The following TJAP1 variants were observed in gnomAD, a reference collection of about 807,000 sequenced individuals.
TJAP1 encodes the protein tight junction associated protein 1, also known as tight junction-associated protein 1.
Under a neutral mutation model 42.0 loss-of-function variants are expected in TJAP1, and 27 were observed. The observed-to-expected ratio is 0.64, with a 90% CI of 0.47 to 0.89. The LOEUF (loss-of-function observed/expected upper bound fraction) is 0.89, where lower values mean the gene tolerates loss of function less well. TJAP1 is among the 40% of genes least tolerant of loss of function. The pLI is 0.00. For missense variants in TJAP1, 712 were observed against 726.9 expected (o/e 0.98, Z 0.24); for synonymous variants, 257 against 288.4 (o/e 0.89, Z 1.10).
chr6:43,502,388 T>C, intron 7 of TJAP1, 39 bp downstream of exon 7: 3 of 1,606,372 alleles, frequency 1.9e-6, no homozygotes, highest in Non-Finnish European at 1.7e-6. Flanking sequence ...GGCACTGTGC[T>C]CATAGCATAG....
intron 4 of TJAP1, among the ~76,000 whole-genome samples, chr6:43,499,747 T>C (rs535616854): frequency 1.3e-5 from 2 of 152,368 alleles, no homozygotes; most frequent in African/African-American, 4.8e-5. Context: ...CTGGTCACAG[T>C]GCGTGGAGCA....
At position 43,492,084 on chromosome 6, in the gene TJAP1, T is replaced by C. The variant is rs769177083; in HGVS notation, c.-121-5797T>C. Among the ~76,000 whole-genome samples the C allele has an allele frequency of 9.9e-5, 15 of 152,226 alleles. No homozygotes were observed. The highest frequency in any genetic ancestry group is 2.1e-4 in the Non-Finnish European group (14 of 68,030). The stretch of plus-strand genomic sequence containing the variant: ...TTTTGCAGGGAGGGGTTGGTTTGCC[T>C]GGCTCTTTAGCCCCTTGTTCCTGTG... On this transcript the variant is annotated intron_variant, in intron 2 of 10. Transcript: ENST00000372449. This position sits in a 1 kb window ranked among gnomAD's most constrained non-coding sequence, Gnocchi z 4.2.
At chr6:43,482,551 C>T (rs527871848) in intron 2 of TJAP1, among the ~76,000 whole-genome samples, 257 of 152,310 alleles carry the variant, frequency 1.7e-3, no homozygotes, top group Non-Finnish European at 2.8e-3. Context: ...TTTAGTATCT[C>T]ACCCCTGCCC....
intron 2 of TJAP1, among the ~76,000 whole-genome samples, chr6:43,484,642 G>T (rs941955085): frequency 6.6e-6 from 1 of 152,190 alleles, no homozygotes; most frequent in Non-Finnish European, 1.5e-5. Flanking sequence ...CTCCTTTCTT[G>T]TGAGGAAGCA....
At chr6:43,489,191 G>C (rs1294682922) in intron 2 of TJAP1, among the ~76,000 whole-genome samples, 1 of 152,236 alleles carries the variant, frequency 6.6e-6, no homozygotes, top group East Asian at 1.9e-4. Flanking sequence ...CTGTGAGCTA[G>C]AGGTGTCACT....
At chr6:43,485,450 C>A (rs1435861438) in intron 2 of TJAP1, among the ~76,000 whole-genome samples, 1 of 152,180 alleles carries the variant, frequency 6.6e-6, no homozygotes, top group East Asian at 1.9e-4. Context: ...AAATGAATTT[C>A]TTTCCAGAAT....
chr6:43,504,630 G>A (rs1791818807), intron 10 of TJAP1, 131 bp from the exon 11 acceptor site: 12 of 1,182,108 alleles, frequency 1.0e-5, no homozygotes, highest in East Asian at 2.3e-5. Context: ...CTGGCATGCT[G>A]TAAGAACAGG....
At position 43,503,517 on chromosome 6, in the gene TJAP1, G is replaced by A. The variant is rs376863827; in HGVS notation, c.495+9G>A. 5.6e-6 allele frequency: 9 copies of A among 1,611,938 alleles called. No homozygotes were observed. The highest frequency in any genetic ancestry group is 2.2e-5 in the East Asian group (1 of 44,888). On this transcript the variant is annotated intron_variant, in intron 9 of 10. Transcript: ENST00000372449. ...AGCTGGAAGAGCTCAATGTATGTGC[G>A]CTTCACTACTCGGGCCTTCCTCACC...
Position 43,505,271 on chromosome 6 carries a change from G to C in TJAP1, c.1090G>C (p.Glu364Gln). The change falls in exon 11 of 11, where the codon GAG (glutamate) becomes CAG (glutamine). Residue 364 changes from glutamate (E) to glutamine (Q), a missense_variant. Transcript: ENST00000372449. This position sits in a 1 kb window ranked among gnomAD's most constrained non-coding sequence, Gnocchi z 5.5. ...CCAGGCCATTTCCCTGAGCCTGGTA[G>C]AGGAGGGGAGTGAGCGGGCCCGCCC... is the stretch of plus-strand genomic sequence containing the variant. The C allele has an allele frequency of 1.2e-6, 2 of 1,613,666 alleles. No individual in the cohort carries two copies. The highest frequency in any genetic ancestry group is 1.7e-6 in the Non-Finnish European group (2 of 1,179,916).
chr6:43,505,269 T>A lies in TJAP1; in HGVS notation c.1088T>A (p.Val363Glu). The stretch of plus-strand genomic sequence containing the variant: ...CGCCAGGCCATTTCCCTGAGCCTGG[T>A]AGAGGAGGGGAGTGAGCGGGCCCGC... Residue 363 changes from valine to glutamate, a missense_variant, in exon 11 of 11, where the codon GTA becomes GAA. By Grantham distance (121) the Val-to-Glu change is moderately radical. Coordinates refer to ENST00000372449, the Ensembl canonical transcript of TJAP1. This position sits in a 1 kb window ranked among gnomAD's most constrained non-coding sequence, Gnocchi z 5.5. 6 of 1,613,530 alleles carry A rather than the reference T, an allele frequency of 3.7e-6. No individual in the cohort carries two copies. Among genetic ancestry groups the A allele is most frequent in the Non-Finnish European group, 4.2e-6 (5 of 1,179,872 alleles).
In TJAP1 at chr6:43,502,405, GC is replaced by G. The variant is rs1791137717; in HGVS notation, c.357+58del. ...CACTGTGCTCATAGCATAGCAGGGG[GC>G]CAGGATTTGCCAGGGGAATGCCACT... On this transcript the variant is annotated intron_variant, in intron 7 of 10. Transcript: ENST00000372449. The G allele has an allele frequency of 4.4e-6, 7 of 1,579,354 alleles. No homozygotes were observed. In the African/African-American group the frequency reaches 6.7e-5, roughly 15 times the overall value.
intron 2 of TJAP1, among the ~76,000 whole-genome samples, chr6:43,493,105 G>A (rs1404737250): frequency 1.3e-5 from 2 of 152,202 alleles, no homozygotes; most frequent in Non-Finnish European, 2.9e-5. Flanking sequence ...TGAAACGGCT[G>A]GGTGTTCCTT....
In TJAP1 at chr6:43,505,720, C is replaced by CCA; in HGVS notation, c.1543_1544dup (p.Glu516ProfsTer32). On this transcript the variant is annotated frameshift_variant, in exon 11 of 11. Coordinates refer to ENST00000372449, the Ensembl canonical transcript of TJAP1. LOFTEE classifies it high-confidence loss of function. The surrounding 1 kb of genome is among the most constrained non-coding windows in gnomAD (Gnocchi z 5.5). ...GCACAGAGGAGGGGCCAGGCACTTC[C>CCA]CACACCGAGGGCAGGGCCTGGCCAC... 3.2e-6 allele frequency: 5 copies of CCA among 1,572,054 alleles called. No homozygotes were observed. Among genetic ancestry groups the CCA allele is most frequent in the Non-Finnish European group, 4.3e-6 (5 of 1,158,320 alleles).
rs1371920598 is a variant in TJAP1, at chr6:43,484,846, C to G, written c.-122+6614C>G. Among the ~76,000 whole-genome samples the G allele has an allele frequency of 3.3e-5, 5 of 152,238 alleles. No individual in the cohort carries two copies. The East Asian group carries it at 9.6e-4, about 29-fold the overall frequency. On this transcript the variant is annotated intron_variant, in intron 2 of 10. Coordinates refer to ENST00000372449, the Ensembl canonical transcript of TJAP1. ...GTTCAGGCAATTCTCCTGCCTCGGC[C>G]TCCTGAGTAGCTGGGATTACAGGTG...
At chr6:43,479,615 C>T (rs770927807) in intron 2 of TJAP1, among the ~76,000 whole-genome samples, 21 of 152,066 alleles carry the variant, frequency 1.4e-4, no homozygotes, top group Non-Finnish European at 2.4e-4. Context: ...TATGATGGCA[C>T]CTGTGAATAC....
chr6:43,506,228 T>G (rs1263705027), exon 11 of TJAP1: 8 of 174,958 alleles, frequency 4.6e-5, no homozygotes, highest in Non-Finnish European at 9.6e-5. Context: ...GTTATTTTGT[T>G]TTTTTTTGGG....
At chr6:43,482,388 C>G (rs1237858075) in intron 2 of TJAP1, among the ~76,000 whole-genome samples, 4 of 152,190 alleles carry the variant, frequency 2.6e-5, no homozygotes, top group African/African-American at 9.7e-5. Flanking sequence ...CCAACGACCT[C>G]TGGGTGAAGG....
intron 2 of TJAP1, among the ~76,000 whole-genome samples, chr6:43,483,445 A>G (rs1785743704): frequency 6.6e-6 from 1 of 152,216 alleles, no homozygotes; most frequent in Non-Finnish European, 1.5e-5. Context: ...ACCTCCAGTG[A>G]GAAGCCTCCG....
intron 5 of TJAP1, 174 bp from the exon 6 acceptor site, chr6:43,501,352 C>T: frequency 1.6e-6 from 1 of 620,664 alleles, no homozygotes; most frequent in Non-Finnish European, 2.8e-6. Context: ...TTCCCAGGGC[C>T]AGCAGGCCTA....
Sources: allele counts gnomAD v4.1 joint callset (sites outside exome capture counted in the v4.1 genomes callset), GRCh38; gene constraint gnomAD v4.1.1; non-coding constraint Gnocchi (gnomAD v3.1); transcripts MANE v1.5; gene names NCBI Gene and HGNC (gene_info 2026-07-23, HGNC 2026-07-21).